Variants in LY9 observed in about 807,000 individuals in gnomAD.
The protein encoded by LY9 is T-lymphocyte surface antigen Ly-9.
Under a neutral mutation model 64.6 loss-of-function variants are expected in LY9, and 59 were observed. The observed-to-expected ratio is 0.91, with a 90% confidence interval of 0.74 to 1.13. The LOEUF is 1.13. LY9 is among the 50% of genes most tolerant of loss of function. LY9 has a pLI of 0.00. For missense variants in LY9, 789 were observed against 797.2 expected (o/e 0.99, Z 0.12); for synonymous variants, 281 against 308.5 (o/e 0.91, Z 0.93).
chr1:160,824,031 C>A, intron 8 of LY9, 150 bp from the exon 9 acceptor site: 1 of 946,304 alleles, frequency 1.1e-6, no homozygotes, highest in Non-Finnish European at 1.6e-6. Flanking sequence ...GTTGGAGAAC[C>A]AGAGGCACCG....
At chr1:160,802,560 A>C (rs911983498) in intron 2 of LY9, 1 of 985,494 alleles carries the variant, frequency 1.0e-6, no homozygotes, top group African/African-American at 1.7e-5. Flanking sequence ...AAATGGTTCA[A>C]ATTGCTGCTC....
At chr1:160,801,889 A>T in intron 2 of LY9, 1 of 1,614,006 alleles carries the variant, frequency 6.2e-7, no homozygotes, top group Non-Finnish European at 8.5e-7. Flanking sequence ...ACCCTGGCTG[A>T]GCCACGTGTG....
chr1:160,814,223 G>A lies in LY9; in HGVS notation c.731-197G>A, dbSNP rs1292668212. Among the ~76,000 whole-genome samples the A allele has an allele frequency of 2.6e-5, 4 of 152,152 alleles. No homozygotes were observed. In the East Asian group the frequency reaches 5.8e-4, roughly 22 times the overall value. The stretch of plus-strand genomic sequence containing the variant: ...AGAAGGGCAGAGAGGGGACATGAGA[G>A]TCCAAGTATTCAGTGGGCACAGCCC... On this transcript the variant is annotated intron_variant, in intron 3 of 9. Transcript: ENST00000263285.
In LY9 at chr1:160,802,554, G is replaced by T. The variant is rs555830711; in HGVS notation, c.454+2472G>T. Reference sequence around the variant, plus strand: ...GTCAGTGTTTGTTTTTCCAAGAAATGGTTCAAATTGCTGCTCAGATTTTTA... The same window carrying T: ...GTCAGTGTTTGTTTTTCCAAGAAATTGTTCAAATTGCTGCTCAGATTTTTA... On this transcript the variant is annotated intron_variant, in intron 2 of 9. Transcript: ENST00000263285. 1.5e-4 allele frequency: 144 copies of T among 985,614 alleles called. 1 individual carries two copies. In the African/African-American group the frequency reaches 2.4e-3, roughly 16 times the overall value. 61.1% of individuals were successfully genotyped at this position (985,614 alleles called of 1,614,324 possible).
chr1:160,817,632 C>T (rs114973828), intron 5 of LY9, among the ~76,000 whole-genome samples: 186 of 152,302 alleles, frequency 1.2e-3, no homozygotes, highest in Non-Finnish European at 2.3e-3. Flanking sequence ...GCACAATCTT[C>T]GCAACAATCC....
intron 2 of LY9, chr1:160,812,370 G>C (rs1667543803): frequency 6.6e-6 from 1 of 152,174 alleles, no homozygotes; most frequent in African/African-American, 2.4e-5. Context: ...TAGAGGTTAA[G>C]ACTTCAACAT....
chr1:160,817,146 T>C (rs1458770727), intron 5 of LY9, among the ~76,000 whole-genome samples: 1 of 152,246 alleles, frequency 6.6e-6, no homozygotes, highest in South Asian at 2.1e-4. Flanking sequence ...AAAAAATTCA[T>C]TAGACACTAC....
chr1:160,810,921 A>G (rs2101786068), intron 2 of LY9: 1 of 152,398 alleles, frequency 6.6e-6, no homozygotes, highest in South Asian at 2.1e-4. Context: ...AAAGAGAGAC[A>G]TTGGGAAGAA....
rs111703031 is a variant in LY9 at position 160,801,705 on chromosome 1, T to C, written c.454+1623T>C. On this transcript the variant is annotated intron_variant, in intron 2 of 9. Transcript: ENST00000263285. ...TTTCAGGTCTTACATTCAAGTCTTT[T>C]AACTGATTTTGAGGAGGTTTTTTAT... 332 of 1,034,672 alleles carry C rather than the reference T, an allele frequency of 3.2e-4. 1 individual carries two copies. In the East Asian group the frequency reaches 6.7e-3, roughly 21 times the overall value. The allele number at this position is 1,034,672 out of a possible 1,614,324, so 64.1% of individuals were successfully genotyped here.
chr1:160,797,268 T>A, intron 1 of LY9: 1 of 985,560 alleles, frequency 1.0e-6, no homozygotes, highest in East Asian at 1.1e-4. Flanking sequence ...TCAGGGATGA[T>A]GGTGCAGGTA....
intron 2 of LY9, 109 bp from the exon 3 acceptor site, chr1:160,813,527 T>A: frequency 9.3e-7 from 1 of 1,080,330 alleles, no homozygotes. Context: ...CAGGTAACGC[T>A]GGCCTCTCTC....
chr1:160,800,272 G>A (rs1666322089), intron 2 of LY9, 190 bp downstream of exon 2: 1 of 572,430 alleles, frequency 1.7e-6, no homozygotes, highest in Non-Finnish European at 3.1e-6. Flanking sequence ...ATCAAAAATT[G>A]AATTGATTTT....
intron 2 of LY9, among the ~76,000 whole-genome samples, chr1:160,805,319 A>T (rs1291045553): frequency 6.6e-6 from 1 of 151,524 alleles, no homozygotes; most frequent in Non-Finnish European, 1.5e-5. Context: ...TTGTTTCAAG[A>T]ACTTTTTTTA....
At chr1:160,823,835 A>C in intron 8 of LY9, 39 bp downstream of exon 8, 1 of 1,482,392 alleles carries the variant, frequency 6.7e-7, no homozygotes, top group Non-Finnish European at 9.3e-7. Flanking sequence ...TCCTCCTCCC[A>C]TGTCTAGCGG....
At chr1:160,796,390 T>TC in intron 1 of LY9, 79 bp downstream of exon 1, 1 of 1,357,760 alleles carries the variant, frequency 7.4e-7, no homozygotes, top group Non-Finnish European at 9.6e-7. Context: ...TGGGAGATTC[T>TC]TTTTTTTGTT....
intron 2 of LY9, among the ~76,000 whole-genome samples, chr1:160,806,929 T>C (rs1254039150): frequency 6.6e-6 from 1 of 152,132 alleles, no homozygotes; most frequent in Non-Finnish European, 1.5e-5. Context: ...ATTCTTTTTA[T>C]TTATTTATTT....
chr1:160,816,060 CT>C (rs1184958281), intron 4 of LY9, among the ~76,000 whole-genome samples: 1 of 152,138 alleles, frequency 6.6e-6, no homozygotes, highest in East Asian at 1.9e-4. Context: ...CACACAATGC[CT>C]CAAATATAAA....
At chr1:160,826,710 G>A (rs1196480573) in intron 9 of LY9, among the ~76,000 whole-genome samples, 1 of 152,206 alleles carries the variant, frequency 6.6e-6, no homozygotes, top group African/African-American at 2.4e-5. Context: ...AATTTGCTCA[G>A]TAAACACTTG....
At chr1:160,813,933 C>T (rs1409810403) in intron 3 of LY9, 22 bp downstream of exon 3, 2 of 1,602,368 alleles carry the variant, frequency 1.2e-6, no homozygotes, top group African/African-American at 2.7e-5. Flanking sequence ...CAACTTGGCC[C>T]TTGAGGGAAT....
Sources: allele counts gnomAD v4.1 joint callset (sites outside exome capture counted in the v4.1 genomes callset), GRCh38; gene constraint gnomAD v4.1.1; transcripts MANE v1.5; gene names NCBI Gene and HGNC (gene_info 2026-07-23, HGNC 2026-07-21).